The following SRRM4 variants were observed in gnomAD, a reference collection of about 807,000 sequenced individuals.
SRRM4 encodes serine/arginine repetitive matrix 4.
In SRRM4, 33 loss-of-function variants were observed where a neutral mutation model predicts 68.9. The observed-to-expected ratio is 0.48, with a 90% CI of 0.36 to 0.64. The LOEUF (loss-of-function observed/expected upper bound fraction) is 0.64, where lower values mean the gene tolerates loss of function less well. Among genes scored for constraint, SRRM4 ranks in the 30% least tolerant of loss-of-function variants. The pLI is 0.00. For missense variants in SRRM4, 817 were observed against 827.1 expected (o/e 0.99, Z 0.15); for synonymous variants, 318 against 318.8 (o/e 1.00, Z 0.03).
chr12:119,134,747 G>A (rs1007372261), intron 8 of SRRM4, among the ~76,000 whole-genome samples: 3 of 152,160 alleles, frequency 2.0e-5, no homozygotes, highest in East Asian at 1.9e-4. Flanking sequence ...ACTAGTTATC[G>A]AATATTGTGA....
At chr12:118,995,719 G>A (rs1953345325) in intron 1 of SRRM4, among the ~76,000 whole-genome samples, 1 of 152,198 alleles carries the variant, frequency 6.6e-6, no homozygotes, top group Non-Finnish European at 1.5e-5. Context: ...CAGCCATTAT[G>A]CAATCATGGT....
Position 119,114,334 on chromosome 12 carries a change from A to G in SRRM4, c.335A>G (p.Lys112Arg), listed in dbSNP as rs1954163898. ...CCTTCCTCCAGGGGAAAGAAGAAAA[A>G]GAAGAAATCCACTCGGAAGAAGAGA... The part of the protein sequence containing the change: ...PPPSSRGKKK[K>R]KKSTRKKRRR... Residue 112 changes from lysine (K) to arginine (R), a missense_variant, in exon 3 of 13, where the codon AAG becomes AGG. Lys to Arg is a conservative substitution (Grantham distance 26). Transcript: ENST00000267260. The G allele has an allele frequency of 3.1e-6, 5 of 1,611,234 alleles. No homozygotes were observed. The highest frequency in any genetic ancestry group is 4.2e-6 in the Non-Finnish European group (5 of 1,178,742).
chr12:119,029,606 A>G (rs1953573844), intron 1 of SRRM4, among the ~76,000 whole-genome samples: 1 of 152,194 alleles, frequency 6.6e-6, no homozygotes, highest in Non-Finnish European at 1.5e-5. Flanking sequence ...GCCTAAATCC[A>G]TCTTGTTACA....
rs139188405 is a variant in SRRM4 at position 119,075,926 on chromosome 12, G to C, written c.132-26310G>C. Among the ~76,000 whole-genome samples, 3 of 61,962 alleles carry C rather than the reference G, an allele frequency of 4.8e-5. No individual in the cohort carries two copies. The South Asian group carries it at 1.5e-3, about 31-fold the overall frequency. The allele number at this position is 61,962 out of a possible 152,430, so 40.6% of individuals were successfully genotyped here. A position where few individuals can be genotyped will look rare whatever the true frequency, so the allele number is the denominator to read the frequency against. On this transcript the variant is annotated intron_variant, in intron 1 of 12. Transcript: ENST00000267260. ...GATGATGGTGATGATGATGATGATG[G>C]TGGTGATGGTGATGATGATGGTGGT... is the stretch of plus-strand genomic sequence containing the variant.
intron 1 of SRRM4, among the ~76,000 whole-genome samples, chr12:119,019,949 T>C (rs868371012): frequency 0.27 from 11,327 of 42,286 alleles, 30 homozygotes; most frequent in Non-Finnish European, 0.3. Flanking sequence ...TTCCCCCCGC[T>C]CCCCCCCCCC....
At chr12:119,108,468 C>T (rs1954120690) in intron 2 of SRRM4, among the ~76,000 whole-genome samples, 1 of 152,150 alleles carries the variant, frequency 6.6e-6, no homozygotes, top group Non-Finnish European at 1.5e-5. Context: ...TTGTATGTCT[C>T]TAAGGACTTG....
chr12:119,051,307 C>G (rs1450666155), intron 1 of SRRM4, among the ~76,000 whole-genome samples: 1 of 152,154 alleles, frequency 6.6e-6, no homozygotes, highest in African/African-American at 2.4e-5. Context: ...TTACAACACT[C>G]AACAGTTCAC....
At chr12:119,124,931 G>A (rs1954247180) in intron 6 of SRRM4, among the ~76,000 whole-genome samples, 1 of 152,268 alleles carries the variant, frequency 6.6e-6, no homozygotes, top group African/African-American at 2.4e-5. Flanking sequence ...CAAATATTCT[G>A]GAGGCAAAGC....
chr12:119,042,557 G>T (rs902012706), intron 1 of SRRM4, among the ~76,000 whole-genome samples: 2 of 151,616 alleles, frequency 1.3e-5, no homozygotes, highest in African/African-American at 4.8e-5. Flanking sequence ...AGGCAGATCT[G>T]AGAGGAAGAG....
intron 1 of SRRM4, among the ~76,000 whole-genome samples, chr12:119,087,546 C>T (rs1036089285): frequency 1.9e-4 from 29 of 152,148 alleles, no homozygotes; most frequent in African/African-American, 6.7e-4. Flanking sequence ...GTTTCATGGT[C>T]CCCAGAAACG....
chr12:119,145,263 C>T, intron 8 of SRRM4, 118 bp from the exon 9 acceptor site: 1 of 883,142 alleles, frequency 1.1e-6, no homozygotes, highest in Non-Finnish European at 1.6e-6. Flanking sequence ...TCTTTCTTCT[C>T]CTCTCTCTCT....
intron 3 of SRRM4, 37 bp downstream of exon 3, chr12:119,114,401 G>T (rs773173547): frequency 6.5e-7 from 1 of 1,541,578 alleles, no homozygotes; most frequent in Non-Finnish European, 8.9e-7. Flanking sequence ...CCTGTAAGAT[G>T]CAGGCAGGGA....
At chr12:119,041,577 A>C (rs990883013) in intron 1 of SRRM4, among the ~76,000 whole-genome samples, 1 of 152,176 alleles carries the variant, frequency 6.6e-6, no homozygotes, top group Non-Finnish European at 1.5e-5. Flanking sequence ...TCAAAGTTGC[A>C]CTCTGTGTTG....
chr12:119,055,277 G>T (rs1953769391), intron 1 of SRRM4, among the ~76,000 whole-genome samples: 1 of 152,088 alleles, frequency 6.6e-6, no homozygotes, highest in Non-Finnish European at 1.5e-5. Flanking sequence ...AAACTCTAGT[G>T]GGTCTCAGTG....
chr12:119,059,174 A>G (rs866913029), intron 1 of SRRM4, among the ~76,000 whole-genome samples: 2 of 152,086 alleles, frequency 1.3e-5, no homozygotes, highest in Admixed American at 1.3e-4. Flanking sequence ...CCAATTAAAC[A>G]TCCCCTTCCC....
chr12:119,048,788 G>GCCA (rs1953723573), intron 1 of SRRM4, among the ~76,000 whole-genome samples: 1 of 152,156 alleles, frequency 6.6e-6, no homozygotes, highest in African/African-American at 2.4e-5. Context: ...AGTCTGGCAT[G>GCCA]GTAGCACTTG....
chr12:119,155,453 G>C (rs1209040899), intron 12 of SRRM4, among the ~76,000 whole-genome samples: 1 of 152,218 alleles, frequency 6.6e-6, no homozygotes, highest in Non-Finnish European at 1.5e-5. Flanking sequence ...ATCCCACAGG[G>C]CACCCTGCCT....
intron 1 of SRRM4, among the ~76,000 whole-genome samples, chr12:119,006,086 G>A (rs7298175): frequency 0.29 from 43,983 of 152,086 alleles, 6,514 homozygotes; most frequent in Admixed American, 0.32. Context: ...TATTATGATT[G>A]TGACGCCCAT....
chr12:119,118,713 G>A (rs541134642), intron 4 of SRRM4, among the ~76,000 whole-genome samples: 42 of 152,318 alleles, frequency 2.8e-4, no homozygotes, highest in African/African-American at 9.4e-4. Flanking sequence ...CCAATTTGGG[G>A]GTTCGCTGGG....
Sources: gnomAD v4.1 joint callset for allele counts (sites outside exome capture counted in the v4.1 genomes callset) on GRCh38, gnomAD v4.1.1 for gene constraint, MANE v1.5 for transcripts, NCBI Gene and HGNC (gene_info 2026-07-23, HGNC 2026-07-21) for gene names.